The following SRRM4 variants were observed in gnomAD, a reference collection of about 807,000 sequenced individuals.
SRRM4 encodes serine/arginine repetitive matrix protein 4.
SRRM4 carries 33 observed loss-of-function variants against 68.9 expected under a neutral mutation model. The ratio of observed to expected loss-of-function variants is 0.48; its 90% CI spans 0.36 to 0.64. The LOEUF (loss-of-function observed/expected upper bound fraction) is 0.64. Among genes scored for constraint, SRRM4 ranks in the 30% least tolerant of loss-of-function variants. SRRM4 has a pLI of 0.00. For synonymous variants in SRRM4, 318 were observed against 318.8 expected (o/e 1.00, Z 0.03); for missense variants, 817 against 827.1 (o/e 0.99, Z 0.15).
At chr12:119,049,313 C>T (rs960532297) in intron 1 of SRRM4, among the ~76,000 whole-genome samples, 3 of 152,130 alleles carry the variant, frequency 2.0e-5, no homozygotes, top group Admixed American at 2.0e-4. Context: ...GTATCCCAGG[C>T]ACATACAAAA....
At chr12:119,056,193 G>A (rs530922808) in intron 1 of SRRM4, among the ~76,000 whole-genome samples, 2 of 152,174 alleles carry the variant, frequency 1.3e-5, no homozygotes, top group Non-Finnish European at 2.9e-5. Context: ...CCTCCCCTTT[G>A]ATAATAGCTC....
chr12:119,040,135 G>A (rs58832215), intron 1 of SRRM4, among the ~76,000 whole-genome samples: 1 of 152,052 alleles, frequency 6.6e-6, no homozygotes, highest in African/African-American at 2.4e-5. Flanking sequence ...AAAGGCACCT[G>A]TCCCTACATT....
At chr12:119,049,149 A>G (rs1240473996) in intron 1 of SRRM4, among the ~76,000 whole-genome samples, 2 of 152,204 alleles carry the variant, frequency 1.3e-5, no homozygotes, top group African/African-American at 4.8e-5. Flanking sequence ...GAGAAAAATG[A>G]CACGTGGTAA....
intron 1 of SRRM4, among the ~76,000 whole-genome samples, chr12:119,014,106 G>A (rs189758153): frequency 6.3e-4 from 96 of 152,212 alleles, no homozygotes; most frequent in African/African-American, 2.3e-3. Context: ...TTTCTTTAAT[G>A]AGTGAGGCCA....
intron 1 of SRRM4, among the ~76,000 whole-genome samples, chr12:119,039,050 A>G (rs1953648170): frequency 6.6e-6 from 1 of 152,226 alleles, no homozygotes; most frequent in African/African-American, 2.4e-5. Context: ...AATAAAGAAA[A>G]TCTGGGATGG....
At chr12:119,025,662 T>C (rs2136003684) in intron 1 of SRRM4, among the ~76,000 whole-genome samples, 1 of 152,076 alleles carries the variant, frequency 6.6e-6, no homozygotes, top group East Asian at 1.9e-4. Flanking sequence ...CAGGCTGGTC[T>C]CAAACTCCCG....
chr12:119,075,443 A>ATGATGATGGTGATGATGG (rs549589612), intron 1 of SRRM4, among the ~76,000 whole-genome samples: 9 of 141,938 alleles, frequency 6.3e-5, no homozygotes, highest in South Asian at 2.3e-4. Flanking sequence ...GATGATGGTG[A>ATGATGATGGTGATGATGG]TGATGATGGT....
chr12:119,130,649 A>G, intron 7 of SRRM4, 29 bp from the exon 8 acceptor site: 1 of 1,596,358 alleles, frequency 6.3e-7, no homozygotes, highest in South Asian at 1.1e-5. Context: ...CCTTCAAAAG[A>G]CCCTCAGGTC....
intron 1 of SRRM4, among the ~76,000 whole-genome samples, chr12:119,082,105 G>A (rs1458990491): frequency 6.6e-6 from 1 of 152,116 alleles, no homozygotes; most frequent in Non-Finnish European, 1.5e-5. Context: ...TAGCATTCCT[G>A]GCTTGGACTT....
chr12:119,158,769 T>C lies in SRRM4; in HGVS notation c.*1971T>C, dbSNP rs1954489898. ...GGCTTCCCAGAGCCACCAAAAACCTTCTTAGCAGGACAGCTGTGAGAGGCA... is the reference window on the plus strand; with the variant it reads ...GGCTTCCCAGAGCCACCAAAAACCTCCTTAGCAGGACAGCTGTGAGAGGCA... On this transcript the variant is annotated 3_prime_UTR_variant, in exon 13 of 13. Coordinates refer to ENST00000267260, the MANE Select transcript of SRRM4 (RefSeq NM_194286.4). 1 of 152,618 alleles carries C rather than the reference T, an allele frequency of 6.6e-6. No homozygotes were observed. The highest frequency in any genetic ancestry group is 6.5e-5 in the Admixed American group (1 of 15,274). 9.5% of individuals were successfully genotyped at this position (152,618 alleles called of 1,614,324 possible).
Position 119,145,414 on chromosome 12 carries a change from A to G in SRRM4, c.805A>G (p.Thr269Ala). The stretch of plus-strand genomic sequence containing the variant: ...GTCGGGGTCTGCTGCTGACCTCTTT[A>G]CCAAAACAGCCAGCCCGCTCACCAC... Reference protein sequence around the residue: ...TGSGSAADLFTKTASPLTTSR... With the variant: ...TGSGSAADLFAKTASPLTTSR... Residue 269 changes from threonine to alanine, a missense_variant, in exon 9 of 13, where the codon ACC becomes GCC. Transcript: ENST00000267260. The G allele has an allele frequency of 6.2e-7, 1 of 1,606,148 alleles. No homozygotes were observed. Among genetic ancestry groups the G allele is most frequent in the South Asian group, 1.1e-5 (1 of 89,358 alleles).
chr12:119,015,777 G>C (rs1953477326), intron 1 of SRRM4, among the ~76,000 whole-genome samples: 2 of 152,098 alleles, frequency 1.3e-5, no homozygotes, highest in East Asian at 3.9e-4. Context: ...CCCAGGCTTA[G>C]AGTCCTCGCA....
chr12:119,044,946 A>G (rs1953695659), intron 1 of SRRM4, among the ~76,000 whole-genome samples: 1 of 152,160 alleles, frequency 6.6e-6, no homozygotes, highest in Admixed American at 6.5e-5. Context: ...ACCTTGAACA[A>G]GTTAATTACT....
chr12:119,011,511 A>G (rs376886485), intron 1 of SRRM4, among the ~76,000 whole-genome samples: 1 of 152,230 alleles, frequency 6.6e-6, no homozygotes, highest in South Asian at 2.1e-4. Flanking sequence ...TCACTCATCT[A>G]GAGATACATT....
At chr12:119,134,446 A>G (rs1187428287) in intron 8 of SRRM4, among the ~76,000 whole-genome samples, 1 of 151,786 alleles carries the variant, frequency 6.6e-6, no homozygotes, top group Non-Finnish European at 1.5e-5. Flanking sequence ...AGGGGCTCAC[A>G]GTCTAGTAGT....
At chr12:119,008,323 G>C (rs901034117) in intron 1 of SRRM4, among the ~76,000 whole-genome samples, 1 of 149,892 alleles carries the variant, frequency 6.7e-6, no homozygotes, top group African/African-American at 2.5e-5. Flanking sequence ...AGTGAACTGA[G>C]ATTGCACCAC....
intron 2 of SRRM4, among the ~76,000 whole-genome samples, chr12:119,111,776 G>C (rs576237697): frequency 6.6e-6 from 1 of 152,332 alleles, no homozygotes; most frequent in African/African-American, 2.4e-5. Context: ...GGGCACCATG[G>C]CTCATGCCTG....
At chr12:119,112,625 A>G (rs934736480) in intron 2 of SRRM4, among the ~76,000 whole-genome samples, 1 of 152,258 alleles carries the variant, frequency 6.6e-6, no homozygotes, top group African/African-American at 2.4e-5. Context: ...AGTATTCCAT[A>G]CTATGAACAA....
intron 1 of SRRM4, among the ~76,000 whole-genome samples, chr12:119,041,423 T>C (rs147513809): frequency 2.2e-4 from 34 of 152,310 alleles, no homozygotes; most frequent in African/African-American, 7.9e-4. Context: ...AAATGGTGAG[T>C]AGGAAAGTAC....
Sources: gnomAD v4.1 joint callset for allele counts (sites outside exome capture counted in the v4.1 genomes callset) on GRCh38, gnomAD v4.1.1 for gene constraint, MANE v1.5 for transcripts, NCBI Gene and HGNC (gene_info 2026-07-23, HGNC 2026-07-21) for gene names.